RCAN2: variants seen among roughly 807,000 people sequenced by gnomAD.
The protein encoded by RCAN2 is regulator of calcineurin 2.
In RCAN2, 9 loss-of-function variants were observed where a neutral mutation model predicts 23.6. That is an observed-to-expected ratio of 0.38 (90% confidence interval 0.23 to 0.67). The LOEUF (loss-of-function observed/expected upper bound fraction) is 0.67, where lower values mean the gene tolerates loss of function less well. Among genes scored for constraint, RCAN2 ranks in the 30% least tolerant of loss-of-function variants. The pLI, the probability that RCAN2 is intolerant of heterozygous loss-of-function variation, is 0.51. For synonymous variants in RCAN2, 109 were observed against 115.7 expected, an observed-to-expected ratio of 0.94 and a Z score of 0.37; for missense variants, 273 against 302.3, an observed-to-expected ratio of 0.90 and a Z score of 0.72.
Position 46,222,215 on chromosome 6 carries a change from C to A in RCAN2, c.*926G>T. 2 of 381,374 alleles carry A rather than the reference C, an allele frequency of 5.2e-6. No homozygotes were observed. The allele number at this position is 381,374 out of a possible 1,614,324, so 23.6% of individuals were successfully genotyped here. A position where few individuals can be genotyped will look rare whatever the true frequency, so the allele number is the denominator to read the frequency against. On this transcript the variant is annotated 3_prime_UTR_variant, in exon 5 of 5. Transcript: ENST00000371374. ...ATTAGTATATGAAGGCATTCATAAG[C>A]AATGCACATTATGTTTTGAAGCAGC...
At chr6:46,354,897 A>ATGTGTGTG (rs6149559) in intron 2 of RCAN2, among the ~76,000 whole-genome samples, 105 of 144,734 alleles carry the variant, frequency 7.3e-4, no homozygotes, top group African/African-American at 1.8e-3. Context: ...AAGATTATAT[A>ATGTGTGTG]TGTGTGTGTG....
At chr6:46,334,881 A>T (rs930093923) in intron 2 of RCAN2, among the ~76,000 whole-genome samples, 1 of 152,224 alleles carries the variant, frequency 6.6e-6, no homozygotes, top group Admixed American at 6.5e-5. Flanking sequence ...CTTTAGGAAG[A>T]CATATTTTCC....
At chr6:46,290,076 AC>A (rs1312355413) in intron 2 of RCAN2, among the ~76,000 whole-genome samples, 1 of 152,038 alleles carries the variant, frequency 6.6e-6, no homozygotes, top group Non-Finnish European at 1.5e-5. Context: ...TCCCTGAATG[AC>A]ACTGTGGGGC....
At chr6:46,237,048 G>T (rs1281975867) in intron 4 of RCAN2, among the ~76,000 whole-genome samples, 1 of 149,836 alleles carries the variant, frequency 6.7e-6, no homozygotes, top group Non-Finnish European at 1.5e-5. Context: ...CAAAGAATGT[G>T]TTCATAGCCC....
At position 46,267,641 on chromosome 6, in the gene RCAN2, T is replaced by C. The variant is rs546247835; in HGVS notation, c.226-18745A>G. On this transcript the variant is annotated intron_variant, in intron 2 of 4. Transcript: ENST00000371374. ...TTGAGGCTGAAATGAACCATGATCATGCCAGCCTGGGGAACAGAGTGAGAC... is the reference window on the plus strand; with the variant it reads ...TTGAGGCTGAAATGAACCATGATCACGCCAGCCTGGGGAACAGAGTGAGAC... Among the ~76,000 whole-genome samples, 33 of 152,184 alleles carry C rather than the reference T, an allele frequency of 2.2e-4. 3 individuals are homozygous for C. Among genetic ancestry groups the C allele is most frequent in the African/African-American group, 7.9e-4 (33 of 41,528 alleles).
At chr6:46,293,007 A>G (rs981267995) in intron 2 of RCAN2, among the ~76,000 whole-genome samples, 5 of 152,110 alleles carry the variant, frequency 3.3e-5, no homozygotes, top group Admixed American at 3.3e-4. Flanking sequence ...GTTTGCTTGG[A>G]ATGATGGTTT....
At chr6:46,400,140 G>A (rs767791237) in intron 2 of RCAN2, among the ~76,000 whole-genome samples, 1 of 152,142 alleles carries the variant, frequency 6.6e-6, no homozygotes, top group Admixed American at 6.5e-5. Context: ...ATTCCCCACT[G>A]CCTTGCCCAT....
At chr6:46,380,513 T>C (rs1477803826) in intron 2 of RCAN2, among the ~76,000 whole-genome samples, 2 of 152,254 alleles carry the variant, frequency 1.3e-5, no homozygotes, top group Middle Eastern at 3.4e-3. Context: ...AACAGGTGAG[T>C]AAAGCAAGTT....
At chr6:46,231,657 G>A (rs1428177060) in intron 4 of RCAN2, among the ~76,000 whole-genome samples, 2 of 152,038 alleles carry the variant, frequency 1.3e-5, no homozygotes, top group Non-Finnish European at 2.9e-5. Context: ...TGATCCACCC[G>A]CCTTGGCCTC....
At chr6:46,402,473 T>A (rs1582172743) in intron 2 of RCAN2, among the ~76,000 whole-genome samples, 2 of 152,178 alleles carry the variant, frequency 1.3e-5, no homozygotes, top group South Asian at 4.2e-4. Context: ...AGAACCCTTT[T>A]CCCCAAAGCC....
At chr6:46,248,005 C>T (rs919072818) in intron 3 of RCAN2, among the ~76,000 whole-genome samples, 22 of 152,172 alleles carry the variant, frequency 1.4e-4, no homozygotes, top group African/African-American at 4.6e-4. Flanking sequence ...GGGCCAATGT[C>T]TGTGTTCTTT....
intron 2 of RCAN2, among the ~76,000 whole-genome samples, chr6:46,293,235 T>A (rs757982490): frequency 9.9e-5 from 15 of 152,190 alleles, no homozygotes; most frequent in Non-Finnish European, 1.8e-4. Flanking sequence ...TTTGGATATA[T>A]ACCTAGTAAT....
intron 2 of RCAN2, among the ~76,000 whole-genome samples, chr6:46,312,229 G>A (rs1171553251): frequency 2.0e-5 from 3 of 152,166 alleles, no homozygotes; most frequent in African/African-American, 7.2e-5. Flanking sequence ...CTTTCTCCTA[G>A]CGTGGTATAT....
chr6:46,483,451 C>T (rs1768917773), intron 1 of RCAN2, among the ~76,000 whole-genome samples: 1 of 152,162 alleles, frequency 6.6e-6, no homozygotes, highest in Non-Finnish European at 1.5e-5. Context: ...CCTCTCCCCA[C>T]CCATGATATC....
At chr6:46,490,731 G>A (rs1354644042) in intron 1 of RCAN2, among the ~76,000 whole-genome samples, 2 of 152,070 alleles carry the variant, frequency 1.3e-5, no homozygotes, top group South Asian at 2.1e-4. Flanking sequence ...GGGAAGAAGG[G>A]ATCTCTCGAT....
intron 2 of RCAN2, among the ~76,000 whole-genome samples, chr6:46,287,274 A>T (rs1762405487): frequency 6.6e-6 from 1 of 152,234 alleles, no homozygotes; most frequent in East Asian, 1.9e-4. Context: ...GCATTGTGGC[A>T]GAAATGGATT....
At chr6:46,491,790 A>AG, upstream of RCAN2, 1 of 152,454 alleles carries the variant, frequency 6.6e-6, no homozygotes, top group Non-Finnish European at 1.5e-5. Context: ...GCTGAGGGTG[A>AG]GGGGGCAGCG....
Position 46,396,598 on chromosome 6 carries a change from C to T in RCAN2, c.225+60154G>A, listed in dbSNP as rs988426975. 5.9e-5 allele frequency among the ~76,000 whole-genome samples: 9 copies of T among 152,156 alleles called. No homozygotes were observed. In the South Asian group the frequency reaches 8.3e-4, roughly 14 times the overall value. ...TGAGATTCAGCTGTGCCCACTGGCA[C>T]GGCTGTACTGGTAATTTGCAGCTGG... is the stretch of plus-strand genomic sequence containing the variant. On this transcript the variant is annotated intron_variant, in intron 2 of 4. Coordinates refer to ENST00000371374, the MANE Select transcript of RCAN2 (RefSeq NM_001251974.2).
intron 1 of RCAN2, among the ~76,000 whole-genome samples, chr6:46,483,597 G>T (rs1768921229): frequency 1.3e-5 from 2 of 152,174 alleles, no homozygotes; most frequent in Non-Finnish European, 2.9e-5. Flanking sequence ...TCAACTCAGA[G>T]CATCACCTAA....
Sources: gnomAD v4.1 joint callset for allele counts (sites outside exome capture counted in the v4.1 genomes callset) on GRCh38, gnomAD v4.1.1 for gene constraint, MANE v1.5 for transcripts, NCBI Gene and HGNC (gene_info 2026-07-23, HGNC 2026-07-21) for gene names.